SEL1L2: variants seen among roughly 807,000 people sequenced by gnomAD.
SEL1L2 encodes the protein SEL1L2 adaptor subunit of SYVN1 ubiquitin ligase, also known as protein sel-1 homolog 2.
A neutral mutation model predicts 98.8 loss-of-function variants in SEL1L2; 89 were observed. That is an observed-to-expected ratio of 0.90 (90% confidence interval 0.76 to 1.07). The LOEUF (loss-of-function observed/expected upper bound fraction) is 1.07, where lower values mean the gene tolerates loss of function less well. Among genes scored for constraint, SEL1L2 ranks in the 50% least tolerant of loss-of-function variants. The probability of loss-of-function intolerance (pLI) is 0.00; values close to 1 mark genes in which losing one functional copy is unlikely to be tolerated. For missense variants in SEL1L2, 788 were observed against 812.0 expected (o/e 0.97, Z 0.36); for synonymous variants, 262 against 278.5 (o/e 0.94, Z 0.59).
At chr20:13,886,716 C>T (rs1157532774) in intron 8 of SEL1L2, among the ~76,000 whole-genome samples, 1 of 151,862 alleles carries the variant, frequency 6.6e-6, no homozygotes, top group East Asian at 1.9e-4. Flanking sequence ...GGTGAAACCC[C>T]GTCTCTACTA....
At chr20:13,875,430 TACAGATGGGGAAATTGAGGC>T (rs1474386664) in intron 12 of SEL1L2, among the ~76,000 whole-genome samples, 1 of 152,216 alleles carries the variant, frequency 6.6e-6, no homozygotes, top group Non-Finnish European at 1.5e-5. Flanking sequence ...ATTCCCATTT[TACAGATGGGGAAATTGAGGC>T]ACAGAGAGGC....
chr20:13,876,508 C>T (rs571324951), intron 11 of SEL1L2, among the ~76,000 whole-genome samples: 1 of 150,904 alleles, frequency 6.6e-6, no homozygotes, highest in African/African-American at 2.4e-5. Flanking sequence ...CTGCAGGGAG[C>T]CAAGGGTGGC....
chr20:13,929,551 A>C lies in SEL1L2; in HGVS notation c.283+2052T>G, dbSNP rs1413979162. Among the ~76,000 whole-genome samples, 4 of 116,432 alleles carry C rather than the reference A, an allele frequency of 3.4e-5. No homozygotes were observed. In the East Asian group the frequency reaches 1.2e-3, roughly 35 times the overall value. The allele number at this position is 116,432 out of a possible 152,430, so 76.4% of individuals were successfully genotyped here. ...CGCTCTGTCGCCCAGGCTGGAGTGC[A>C]GTGGCCCGATCTCAGCTCAGCTCAC... On this transcript the variant is annotated intron_variant, in intron 3 of 19. Coordinates refer to ENST00000284951, the MANE Select transcript of SEL1L2 (RefSeq NM_025229.2).
intron 1 of SEL1L2, among the ~76,000 whole-genome samples, chr20:13,974,026 T>C (rs1280393248): frequency 4.6e-5 from 7 of 152,224 alleles, no homozygotes; most frequent in Non-Finnish European, 8.8e-5. Context: ...TGAAAAGGTC[T>C]CTTATTATAC....
chr20:13,878,510 C>T (rs1260861407), intron 10 of SEL1L2, among the ~76,000 whole-genome samples: 1 of 152,162 alleles, frequency 6.6e-6, no homozygotes, highest in African/African-American at 2.4e-5. Flanking sequence ...AGGATACGAC[C>T]TTTCTGCTCT....
At chr20:13,912,548 T>C (rs1884562) in intron 5 of SEL1L2, among the ~76,000 whole-genome samples, 73,293 of 151,794 alleles carry the variant, frequency 0.48, 17,998 homozygotes, top group African/African-American at 0.56. Context: ...CCGCCCACCT[T>C]GGCCTCCCAA....
At chr20:13,929,972 G>A (rs1214395907) in intron 3 of SEL1L2, among the ~76,000 whole-genome samples, 5 of 152,110 alleles carry the variant, frequency 3.3e-5, no homozygotes, top group Non-Finnish European at 7.4e-5. Context: ...TGTAATTTTG[G>A]TAGAGACAAG....
At chr20:13,887,507 C>A (rs1260121252) in intron 8 of SEL1L2, among the ~76,000 whole-genome samples, 2 of 152,002 alleles carry the variant, frequency 1.3e-5, no homozygotes, top group Non-Finnish European at 2.9e-5. Context: ...AAGGAAAGAA[C>A]ATCACAAAGG....
At chr20:13,918,575 A>G (rs1442139696) in intron 4 of SEL1L2, among the ~76,000 whole-genome samples, 2 of 152,230 alleles carry the variant, frequency 1.3e-5, no homozygotes, top group Admixed American at 6.5e-5. Context: ...TTCTTACCTT[A>G]TAAGACTGTT....
intron 4 of SEL1L2, among the ~76,000 whole-genome samples, chr20:13,915,479 C>T (rs765124355): frequency 1.2e-4 from 18 of 152,170 alleles, no homozygotes; most frequent in African/African-American, 1.7e-4. Context: ...CTTTCTGTCA[C>T]GTGGCTTGCT....
At chr20:13,858,838 AT>A (rs1989580555) in intron 18 of SEL1L2, among the ~76,000 whole-genome samples, 1 of 152,160 alleles carries the variant, frequency 6.6e-6, no homozygotes, top group Non-Finnish European at 1.5e-5. Context: ...ACTTTTCTGG[AT>A]TAATACCACC....
Position 13,919,079 on chromosome 20 carries a change from G to T in SEL1L2, c.328C>A (p.Leu110Ile). The change falls in exon 4 of 20, where the codon CTA becomes ATA. Residue 110 changes from leucine (L) to isoleucine (I), a missense_variant. Coordinates refer to ENST00000284951, the MANE Select transcript of SEL1L2 (RefSeq NM_025229.2). Reference protein sequence around the residue: ...EKNFTDEGDQLFKMGIKVLQQ... With the variant: ...EKNFTDEGDQIFKMGIKVLQQ... ...AGAACCTTGATGCCCATCTTAAATA[G>T]CTGGTCTCCTTCATCTGTAAAATTT... 1 of 1,613,692 alleles carries T rather than the reference G, an allele frequency of 6.2e-7. No individual in the cohort carries two copies. The highest frequency in any genetic ancestry group is 1.1e-5 in the South Asian group (1 of 91,032).
chr20:13,969,962 C>T (rs1198295393), intron 1 of SEL1L2, among the ~76,000 whole-genome samples: 1 of 152,082 alleles, frequency 6.6e-6, no homozygotes, highest in Non-Finnish European at 1.5e-5. Flanking sequence ...TATGTTAGCA[C>T]CCACTCATAT....
At chr20:13,973,285 T>C (rs1336509702) in intron 1 of SEL1L2, 2 of 152,254 alleles carry the variant, frequency 1.3e-5, no homozygotes, top group African/African-American at 2.4e-5. Context: ...TGGTATTTTA[T>C]GTTTAAAAGT....
intron 10 of SEL1L2, among the ~76,000 whole-genome samples, chr20:13,882,185 A>G (rs1414831109): frequency 2.0e-5 from 3 of 152,214 alleles, no homozygotes; most frequent in African/African-American, 7.2e-5. Context: ...ATGAGAAGCG[A>G]GGTATGAAAA....
At position 13,887,770 on chromosome 20, in the gene SEL1L2, A is replaced by G. The variant is rs763460860; in HGVS notation, c.744T>C (p.Tyr248=). The change falls in exon 8 of 20, where the codon TAT becomes TAC. Residue 248 remains tyrosine, a splice_region_variant and synonymous_variant. Coordinates refer to ENST00000284951, the MANE Select transcript of SEL1L2 (RefSeq NM_025229.2). ...AAATAAATTATGTGGATTACTTACTATAATCTGCCACTTTCTTGTAATAAC... is the reference window on the plus strand; with the variant it reads ...AAATAAATTATGTGGATTACTTACTGTAATCTGCCACTTTCTTGTAATAAC... ...ALSYYKKVAD[Y]IADTFEKSEG... 4 of 1,592,102 alleles carry G rather than the reference A, an allele frequency of 2.5e-6. No individual in the cohort carries two copies. The highest frequency in any genetic ancestry group is 1.7e-5 in the Admixed American group (1 of 59,880).
intron 1 of SEL1L2, among the ~76,000 whole-genome samples, chr20:13,965,552 C>T (rs1186098245): frequency 6.6e-6 from 1 of 152,142 alleles, no homozygotes; most frequent in Non-Finnish European, 1.5e-5. Context: ...ACAATAGCCT[C>T]CTAATATATT....
intron 1 of SEL1L2, among the ~76,000 whole-genome samples, chr20:13,985,697 A>G (rs1224365630): frequency 2.0e-5 from 3 of 152,170 alleles, no homozygotes; most frequent in Non-Finnish European, 4.4e-5. Flanking sequence ...TTCTCCCTCT[A>G]CAATTCAATG....
At chr20:13,918,914 G>T in intron 4 of SEL1L2, 107 bp downstream of exon 4, 1 of 709,100 alleles carries the variant, frequency 1.4e-6, no homozygotes, top group Non-Finnish European at 2.4e-6. Flanking sequence ...GGGCAAATAG[G>T]CTTACTCATT....
Sources: allele counts gnomAD v4.1 joint callset (sites outside exome capture counted in the v4.1 genomes callset), GRCh38; gene constraint gnomAD v4.1.1; transcripts MANE v1.5; gene names NCBI Gene and HGNC (gene_info 2026-07-23, HGNC 2026-07-21).